Variants in PTPRE observed in about 807,000 individuals in gnomAD.
PTPRE encodes receptor-type tyrosine-protein phosphatase epsilon.
In PTPRE, 51 loss-of-function variants were observed where a neutral mutation model predicts 102.0. That is an observed-to-expected ratio of 0.50 (90% CI 0.40 to 0.63). The LOEUF is 0.63. PTPRE is among the 30% of genes least tolerant of loss of function. The pLI is 0.00. For synonymous variants in PTPRE, 345 were observed against 348.2 expected, an observed-to-expected ratio of 0.99 and a Z score of 0.10; for missense variants, 752 against 915.1, an observed-to-expected ratio of 0.82 and a Z score of 2.30.
At chr10:128,007,823 A>G (rs1427194407) in intron 2 of PTPRE, among the ~76,000 whole-genome samples, 2 of 152,210 alleles carry the variant, frequency 1.3e-5, no homozygotes, top group Non-Finnish European at 2.9e-5. Context: ...AAGCGCCATG[A>G]AGACATCATG....
At chr10:128,003,579 G>GAAAGTGTGAAATAAT in intron 2 of PTPRE, among the ~76,000 whole-genome samples, 1 of 152,130 alleles carries the variant, frequency 6.6e-6, no homozygotes, top group Non-Finnish European at 1.5e-5. Context: ...ATCCTGAATA[G>GAAAGTGTGAAATAAT]CTAGAAAATT....
Position 127,990,411 on chromosome 10 carries a change from CAA to C in PTPRE, c.-8+8136_-8+8137del, listed in dbSNP as rs60034358. Among the ~76,000 whole-genome samples the C allele has an allele frequency of 4.1e-3, 270 of 65,698 alleles. 1 individual carries two copies. Among genetic ancestry groups the C allele is most frequent in the African/African-American group, 0.013 (212 of 16,804 alleles). The allele number at this position is 65,698 out of a possible 152,430, so 43.1% of individuals were successfully genotyped here. A position where few individuals can be genotyped will look rare whatever the true frequency, so the allele number is the denominator to read the frequency against. On this transcript the variant is annotated intron_variant, in intron 2 of 20. Transcript: ENST00000254667. ...TGGGTGACAGAGCATGACTCCACCT[CAA>C]AAAAAAAAAAAAAAAAAAAAGAAAG...
chr10:127,947,055 T>C (rs1325977758), intron 1 of PTPRE, among the ~76,000 whole-genome samples: 1 of 151,034 alleles, frequency 6.6e-6, no homozygotes, highest in Non-Finnish European at 1.5e-5. Context: ...TTTTTAAATA[T>C]CATTTATAGT....
chr10:128,004,813 A>G (rs1446278465), intron 2 of PTPRE, among the ~76,000 whole-genome samples: 1 of 152,220 alleles, frequency 6.6e-6, no homozygotes, highest in African/African-American at 2.4e-5. Context: ...GAACCATTAA[A>G]TCTTTCCGTG....
intron 7 of PTPRE, among the ~76,000 whole-genome samples, chr10:128,059,524 T>G (rs1277820485): frequency 1.3e-5 from 2 of 152,066 alleles, no homozygotes; most frequent in African/African-American, 2.4e-5. Context: ...CCCACCCTGA[T>G]CAGAGACTAA....
In PTPRE at chr10:128,066,162, G is replaced by C; in HGVS notation, c.811G>C (p.Asp271His). 1 of 1,614,176 alleles carries C rather than the reference G, an allele frequency of 6.2e-7. No individual in the cohort carries two copies. ...VCVEDCVVLV[D>H]YTIRKFCIQP... is the part of the protein sequence containing the mutation. ...CGTGGAGGACTGCGTGGTTTTGGTCGACTACACCATCCGGAAGTTCTGCAT... is the reference window on the plus strand; with the variant it reads ...CGTGGAGGACTGCGTGGTTTTGGTCCACTACACCATCCGGAAGTTCTGCAT... The change falls in exon 11 of 21, where the codon GAC becomes CAC. Residue 271 changes from aspartate to histidine, a missense_variant. Coordinates refer to ENST00000254667, the MANE Select transcript of PTPRE (RefSeq NM_006504.6).
intron 1 of PTPRE, among the ~76,000 whole-genome samples, chr10:127,940,395 G>A (rs1172556295): frequency 6.6e-6 from 1 of 152,190 alleles, no homozygotes; most frequent in Non-Finnish European, 1.5e-5. Context: ...CTGAGGTACT[G>A]CAGGCTCACA....
At chr10:127,940,737 A>G (rs1016280217) in intron 1 of PTPRE, among the ~76,000 whole-genome samples, 28 of 152,162 alleles carry the variant, frequency 1.8e-4, no homozygotes, top group Admixed American at 1.3e-4. Flanking sequence ...TTGAACTCAC[A>G]GGCTCAAGCT....
chr10:127,974,271 G>A (rs1238944356), intron 1 of PTPRE, among the ~76,000 whole-genome samples: 1 of 152,158 alleles, frequency 6.6e-6, no homozygotes, highest in Admixed American at 6.5e-5. Flanking sequence ...AACCCAGCAG[G>A]AAATTTTATT....
At chr10:127,962,303 G>A (rs1849883243) in intron 1 of PTPRE, among the ~76,000 whole-genome samples, 1 of 152,206 alleles carries the variant, frequency 6.6e-6, no homozygotes, top group Non-Finnish European at 1.5e-5. Flanking sequence ...CGGCATGTGA[G>A]TGCGGCACAT....
Position 127,913,374 on chromosome 10 carries a change from C to T in PTPRE, c.-31+6065C>T, listed in dbSNP as rs562264440. On this transcript the variant is annotated intron_variant, in intron 1 of 20. Transcript: ENST00000254667. ...GTCCCTAAATCTGTTTGGACATTTC[C>T]AGCTGAACATTAGTCACCAGTTTTG... Among the ~76,000 whole-genome samples, 6 of 152,322 alleles carry T rather than the reference C, an allele frequency of 3.9e-5. No individual in the cohort carries two copies. The South Asian group carries it at 1.2e-3, about 32-fold the overall frequency.
At chr10:127,961,481 G>A (rs1278175349) in intron 1 of PTPRE, among the ~76,000 whole-genome samples, 1 of 152,190 alleles carries the variant, frequency 6.6e-6, no homozygotes, top group Non-Finnish European at 1.5e-5. Context: ...CCAGCAAGAT[G>A]CAACAGGACA....
chr10:127,962,374 C>T (rs919364201), intron 1 of PTPRE, among the ~76,000 whole-genome samples: 3 of 152,196 alleles, frequency 2.0e-5, no homozygotes, highest in African/African-American at 7.2e-5. Context: ...GCCAGGTGAC[C>T]GAGGCTCAAA....
intron 1 of PTPRE, among the ~76,000 whole-genome samples, chr10:127,941,346 G>A (rs1485614922): frequency 6.6e-6 from 1 of 152,190 alleles, no homozygotes; most frequent in Non-Finnish European, 1.5e-5. Flanking sequence ...TCTGTTCTGG[G>A]CCCTGACACA....
chr10:128,003,610 G>A (rs1381985685), intron 2 of PTPRE, among the ~76,000 whole-genome samples: 1 of 152,194 alleles, frequency 6.6e-6, no homozygotes, highest in East Asian at 1.9e-4. Context: ...TTTGCACCAT[G>A]CATTTGTGGC....
At chr10:128,082,193 T>TTC (rs199753672) in intron 20 of PTPRE, among the ~76,000 whole-genome samples, 1 of 55,574 alleles carries the variant, frequency 1.8e-5, no homozygotes, top group African/African-American at 6.9e-5. Context: ...TTTTTTCTCT[T>TTC]TCTTTTTTTT....
chr10:127,981,530 ATGGGAGGCTGGGCATGGAGGCTCATGCC>A (rs1255405739), intron 1 of PTPRE, among the ~76,000 whole-genome samples: 1 of 152,184 alleles, frequency 6.6e-6, no homozygotes, highest in African/African-American at 2.4e-5. Flanking sequence ...AGCTAATTTA[ATGGGAGGCTGGGCATGGAGGCTCATGCC>A]TGTAATCCCA....
rs529544516 is a variant in PTPRE at position 128,075,590 on chromosome 10, GAA to G, written c.1600-1011_1600-1010del. 3.5e-4 allele frequency among the ~76,000 whole-genome samples: 54 copies of G among 152,254 alleles called. No individual in the cohort carries two copies. In the East Asian group the frequency reaches 6.7e-3, roughly 19 times the overall value. ...CAAAATGCTTCATTGAAGAGTATGT[GAA>G]AGTTTGAATTTGCAAGATAATTCCT... On this transcript the variant is annotated intron_variant, in intron 17 of 20. Transcript: ENST00000254667.
At chr10:128,003,324 T>C (rs1411533850) in intron 2 of PTPRE, among the ~76,000 whole-genome samples, 1 of 152,208 alleles carries the variant, frequency 6.6e-6, no homozygotes, top group Non-Finnish European at 1.5e-5. Context: ...TGGTTGTCAT[T>C]TTTTATTTCA....
Sources: allele counts gnomAD v4.1 joint callset (sites outside exome capture counted in the v4.1 genomes callset), GRCh38; gene constraint gnomAD v4.1.1; transcripts MANE v1.5; gene names NCBI Gene and HGNC (gene_info 2026-07-23, HGNC 2026-07-21).